The following ARL10 variants were observed in gnomAD, a reference collection of about 807,000 sequenced individuals.
The protein encoded by ARL10 is ADP-ribosylation factor-like protein 10.
In ARL10, 23 loss-of-function variants were observed where a neutral mutation model predicts 26.1. That is an observed-to-expected ratio of 0.88 (90% CI 0.63 to 1.25). The LOEUF is 1.25. ARL10 is among the 50% of genes most tolerant of loss of function. The pLI is 0.00. For synonymous variants in ARL10, 138 were observed against 149.1 expected (o/e 0.93, Z 0.54); for missense variants, 300 against 323.6 (o/e 0.93, Z 0.56).
At chr5:176,410,440 GAT>G in the ARL10 span, 25 of 649,138 alleles carry the variant, frequency 3.9e-5, no homozygotes, top group South Asian at 5.7e-5. Context: ...AGACATAATG[GAT>G]ATATATATAA....
At chr5:176,385,392 T>A, downstream of ARL10, 1 of 978,054 alleles carries the variant, frequency 1.0e-6, no homozygotes, top group Non-Finnish European at 1.6e-6. Flanking sequence ...CTTTGAGCTG[T>A]CCAATCACCC....
rs1768684657 is a variant in ARL10, at chr5:176,375,891, A to C, written c.*3996A>C. The C allele has an allele frequency of 6.6e-6, 1 of 152,220 alleles. No individual in the cohort carries two copies. 9.4% of individuals were successfully genotyped at this position (152,220 alleles called of 1,614,324 possible). On this transcript the variant is annotated 3_prime_UTR_variant, in exon 4 of 4. Coordinates refer to ENST00000310389, the MANE Select transcript of ARL10 (RefSeq NM_173664.6). ...ATTATATAAGCAATCGCTTGGAGCC[A>C]CATAGGTAGTTCCCAGGTCCTGAAT... is the stretch of plus-strand genomic sequence containing the variant.
chr5:176,369,491 C>T (rs988357634), intron 3 of ARL10, among the ~76,000 whole-genome samples: 2 of 152,266 alleles, frequency 1.3e-5, no homozygotes, highest in South Asian at 2.1e-4. Context: ...CCTCAGCTTC[C>T]CAAAGTGCTG....
At chr5:176,399,305 T>A (rs1220010970) in intron 1 of ARL10, among the ~76,000 whole-genome samples, 1 of 152,212 alleles carries the variant, frequency 6.6e-6, no homozygotes, top group African/African-American at 2.4e-5. Context: ...ATATGCAGCA[T>A]GATCATAGCT....
rs1187992071 is a variant in ARL10, at chr5:176,375,385, C to T, written c.*3490C>T. Reference sequence around the variant, plus strand: ...CATCCATCTGTGGCTTCTACCTGTGCGAATCTCTGTGCTACAAAATTCTTT... The same window carrying T: ...CATCCATCTGTGGCTTCTACCTGTGTGAATCTCTGTGCTACAAAATTCTTT... On this transcript the variant is annotated 3_prime_UTR_variant, in exon 4 of 4. Coordinates refer to ENST00000310389, the MANE Select transcript of ARL10 (RefSeq NM_173664.6). 5 of 151,564 alleles carry T rather than the reference C, an allele frequency of 3.3e-5. No individual in the cohort carries two copies. The highest frequency in any genetic ancestry group is 4.2e-4 in the South Asian group (2 of 4,776). The allele number at this position is 151,564 out of a possible 1,614,324, so 9.4% of individuals were successfully genotyped here. A position where few individuals can be genotyped will look rare whatever the true frequency, so the allele number is the denominator to read the frequency against.
At chr5:176,410,311 G>A in the ARL10 span, 1 of 1,613,344 alleles carries the variant, frequency 6.2e-7, no homozygotes. Context: ...CAGCTGGAAA[G>A]AGAACAAGGA....
chr5:176,388,968 C>G (rs1756135757), downstream of ARL10: 2 of 1,613,838 alleles, frequency 1.2e-6, no homozygotes, highest in African/African-American at 2.7e-5. Flanking sequence ...CCGGTGGTAC[C>G]CATAGGTAAG....
At chr5:176,398,794 C>G (rs1756673913) in intron 1 of ARL10, among the ~76,000 whole-genome samples, 1 of 152,132 alleles carries the variant, frequency 6.6e-6, no homozygotes, top group African/African-American at 2.4e-5. Flanking sequence ...TAAAATCACT[C>G]TCTATTGTGG....
Position 176,365,529 on chromosome 5 carries a change from T to C in ARL10, c.-35T>C. On this transcript the variant is annotated 5_prime_UTR_variant, in exon 1 of 4. Coordinates refer to ENST00000310389, the MANE Select transcript of ARL10 (RefSeq NM_173664.6). ...CTTCGGCGGGCGAGTGGGCTCGGCC[T>C]GTGCAACCCGCACCTGCGTCCCTCG... 1 of 1,218,536 alleles carries C rather than the reference T, an allele frequency of 8.2e-7. No individual in the cohort carries two copies. The highest frequency in any genetic ancestry group is 1.0e-6 in the Non-Finnish European group (1 of 979,294). The allele number at this position is 1,218,536 out of a possible 1,614,324, so 75.5% of individuals were successfully genotyped here.
chr5:176,398,851 C>CT (rs972211826), intron 1 of ARL10, among the ~76,000 whole-genome samples: 4 of 151,024 alleles, frequency 2.6e-5, no homozygotes, highest in Non-Finnish European at 5.9e-5. Context: ...CAAGACCTCA[C>CT]TTTTTTTTTG....
At chr5:176,403,371 T>A (rs776434856), downstream of ARL10, among the ~76,000 whole-genome samples, 4 of 151,490 alleles carry the variant, frequency 2.6e-5, no homozygotes, top group African/African-American at 4.8e-5. Flanking sequence ...AAATTAAGAC[T>A]CCAGAGAACT....
Position 176,373,095 on chromosome 5 carries a change from A to T in ARL10, c.*1200A>T, listed in dbSNP as rs1419872518. ...CAAATTCCTTCTGGGTAGATAAGAA[A>T]TGACTCTGGGAGAGGATTTCCCTTA... On this transcript the variant is annotated 3_prime_UTR_variant, in exon 4 of 4. Coordinates refer to ENST00000310389, the MANE Select transcript of ARL10 (RefSeq NM_173664.6). The T allele has an allele frequency of 1.0e-5, 4 of 398,520 alleles. No individual in the cohort carries two copies. In the East Asian group the frequency reaches 1.4e-4, roughly 14 times the overall value. 24.7% of individuals were successfully genotyped at this position (398,520 alleles called of 1,614,324 possible).
downstream of ARL10, among the ~76,000 whole-genome samples, chr5:176,390,117 G>A (rs7356779): frequency 6.7e-6 from 1 of 148,702 alleles, no homozygotes; most frequent in Non-Finnish European, 1.5e-5. Flanking sequence ...GGGAGGCGGA[G>A]GTTGTGGTGA....
chr5:176,385,514 T>G (rs977696926), downstream of ARL10, among the ~76,000 whole-genome samples: 1 of 152,200 alleles, frequency 6.6e-6, no homozygotes, highest in African/African-American at 2.4e-5. Flanking sequence ...GATCCCAGAC[T>G]CTGTCTCCTA....
chr5:176,409,633 T>C, the ARL10 span, among the ~76,000 whole-genome samples: 4 of 151,908 alleles, frequency 2.6e-5, no homozygotes, highest in African/African-American at 4.8e-5. Context: ...CAGGCTGGTC[T>C]TGAACTCTGA....
downstream of ARL10, chr5:176,385,160 A>T (rs763677306): frequency 1.1e-6 from 1 of 916,718 alleles, no homozygotes; most frequent in South Asian, 1.3e-5. Context: ...GCGCAAGCAG[A>T]TCAAGCCGCG....
chr5:176,366,588 G>T lies in ARL10; in HGVS notation c.385+7G>T. 6.2e-7 allele frequency: 1 copy of T among 1,613,502 alleles called. No homozygotes were observed. The highest frequency in any genetic ancestry group is 1.1e-5 in the South Asian group (1 of 91,056). ...GAGGTGGACCTGCTAGAAAGTGAGCGGACACCCTACCCCATCTCCCCGTCT... is the reference window on the plus strand; with the variant it reads ...GAGGTGGACCTGCTAGAAAGTGAGCTGACACCCTACCCCATCTCCCCGTCT... On this transcript the variant is annotated splice_region_variant and intron_variant, in intron 2 of 3. Transcript: ENST00000310389.
Position 176,371,990 on chromosome 5 carries a change from G to A in ARL10, c.*95G>A. ...CTGGGCCTGGGGCAAGAGCCACATG[G>A]CAGCATTTCCCTTTTCCCCTCCTTT... is the stretch of plus-strand genomic sequence containing the variant. On this transcript the variant is annotated 3_prime_UTR_variant, in exon 4 of 4. Coordinates refer to ENST00000310389, the MANE Select transcript of ARL10 (RefSeq NM_173664.6). 1.3e-6 allele frequency: 2 copies of A among 1,499,014 alleles called. No homozygotes were observed. The highest frequency in any genetic ancestry group is 2.7e-5 in the South Asian group (2 of 74,544). The allele number at this position is 1,499,014 out of a possible 1,614,324, so 92.9% of individuals were successfully genotyped here.
At chr5:176,403,757 T>G (rs1041525617), downstream of ARL10, among the ~76,000 whole-genome samples, 2 of 150,494 alleles carry the variant, frequency 1.3e-5, no homozygotes, top group Non-Finnish European at 3.0e-5. Flanking sequence ...CGGCCTGTTT[T>G]TGTGTGTGTG....
Sources: gnomAD v4.1 joint callset for allele counts (sites outside exome capture counted in the v4.1 genomes callset) on GRCh38, gnomAD v4.1.1 for gene constraint, MANE v1.5 for transcripts, NCBI Gene and HGNC (gene_info 2026-07-23, HGNC 2026-07-21) for gene names.